Variants in RORA observed in about 807,000 individuals in gnomAD.
RORA encodes the protein nuclear receptor ROR-alpha.
A neutral mutation model predicts 69.5 loss-of-function variants in RORA; 7 were observed. The observed-to-expected ratio is 0.10, with a 90% CI of 0.06 to 0.19. The LOEUF is 0.19. Among genes scored for constraint, RORA ranks in the 10% least tolerant of loss-of-function variants. The probability of loss-of-function intolerance (pLI) is 1.00; values close to 1 mark genes in which losing one functional copy is unlikely to be tolerated. For synonymous variants in RORA, 261 were observed against 240.8 expected (o/e 1.08, Z -0.78); for missense variants, 457 against 663.0 (o/e 0.69, Z 3.41).
chr15:61,003,423 T>C (rs1894809925), intron 1 of RORA, among the ~76,000 whole-genome samples: 1 of 152,172 alleles, frequency 6.6e-6, no homozygotes, highest in Non-Finnish European at 1.5e-5. Flanking sequence ...TTTTTTGTTC[T>C]CAGCTGGCAA....
At chr15:61,178,737 G>A (rs2079654243) in intron 1 of RORA, among the ~76,000 whole-genome samples, 1 of 152,026 alleles carries the variant, frequency 6.6e-6, no homozygotes. Context: ...GGAATAAACA[G>A]GTTGTGAGTT....
intron 1 of RORA, among the ~76,000 whole-genome samples, chr15:61,177,016 C>G (rs1010899098): frequency 6.6e-6 from 1 of 152,168 alleles, no homozygotes; most frequent in Non-Finnish European, 1.5e-5. Flanking sequence ...AGGAAGCAAA[C>G]AGGATTGGTT....
intron 1 of RORA, among the ~76,000 whole-genome samples, chr15:61,057,331 T>C (rs576668158): frequency 4.7e-4 from 71 of 152,354 alleles, no homozygotes; most frequent in African/African-American, 1.7e-3. Context: ...TTGTTTCTTA[T>C]TGTCAAGCCC....
chr15:60,638,386 C>CTTTTT (rs375782514), intron 2 of RORA, among the ~76,000 whole-genome samples: 44 of 117,852 alleles, frequency 3.7e-4, no homozygotes, highest in Non-Finnish European at 4.8e-4. Context: ...ATTTTCTTTT[C>CTTTTT]TTTTTTTTTT....
intron 1 of RORA, among the ~76,000 whole-genome samples, chr15:60,726,622 T>C (rs1021253731): frequency 9.2e-5 from 14 of 152,208 alleles, no homozygotes; most frequent in Non-Finnish European, 8.8e-5. Context: ...AGCTTTGCTT[T>C]GCGTAGGCCC....
intron 1 of RORA, among the ~76,000 whole-genome samples, chr15:60,783,588 A>C (rs1202630432): frequency 6.6e-6 from 1 of 152,242 alleles, no homozygotes; most frequent in African/African-American, 2.4e-5. Context: ...CGCTGGATAC[A>C]GGAAGAAGGC....
At chr15:60,737,516 A>T (rs923502794) in intron 1 of RORA, among the ~76,000 whole-genome samples, 8 of 152,196 alleles carry the variant, frequency 5.3e-5, no homozygotes, top group African/African-American at 1.9e-4. Context: ...TCCCAGACTG[A>T]CTGAATCAGA....
chr15:60,743,310 C>T lies in RORA; in HGVS notation c.167-64624G>A, dbSNP rs562583646. On this transcript the variant is annotated intron_variant, in intron 1 of 10. Coordinates refer to ENST00000335670, the MANE Select transcript of RORA (RefSeq NM_134261.3). ...GATTACAGGCGTGAGCCACCGCACC[C>T]GGCTGTAAATGCATTGACTCATGAC... Among the ~76,000 whole-genome samples, 96 of 152,194 alleles carry T rather than the reference C, an allele frequency of 6.3e-4. 1 individual carries two copies. Among genetic ancestry groups the T allele is most frequent in the Non-Finnish European group, 1.1e-3 (73 of 67,998 alleles).
In RORA at chr15:60,493,517, C is replaced by CACA. The variant is rs1197100039; in HGVS notation, c.*3935_*3937dup. The stretch of plus-strand genomic sequence containing the variant: ...TGTTTTGCATTTTGGAATGTCGGAA[C>CACA]ACAACAACTAGCTATTCCTTAGTCT... On this transcript the variant is annotated 3_prime_UTR_variant, in exon 11 of 11. Transcript: ENST00000335670. 1 of 152,150 alleles carries CACA rather than the reference C, an allele frequency of 6.6e-6. No homozygotes were observed. The highest frequency in any genetic ancestry group is 6.5e-5 in the Admixed American group (1 of 15,270). The allele number at this position is 152,150 out of a possible 1,614,324, so 9.4% of individuals were successfully genotyped here. A position where few individuals can be genotyped will look rare whatever the true frequency, so the allele number is the denominator to read the frequency against.
At chr15:60,710,374 G>C (rs1388278021) in intron 1 of RORA, among the ~76,000 whole-genome samples, 1 of 152,148 alleles carries the variant, frequency 6.6e-6, no homozygotes, top group Non-Finnish European at 1.5e-5. Flanking sequence ...TGTAATCTCA[G>C]CTACTTGGGC....
At position 60,955,052 on chromosome 15, in the gene RORA, C is replaced by G. The variant is rs75229478; in HGVS notation, c.166+274001G>C. 2.3e-3 allele frequency among the ~76,000 whole-genome samples: 352 copies of G among 152,224 alleles called. 8 individuals are homozygous for G. In the East Asian group the frequency reaches 0.064, roughly 28 times the overall value. ...GGCGTGGTGACTCATGCCTGTAATC[C>G]CAGCACTTTGGGAGGCCGAGGTGGG... On this transcript the variant is annotated intron_variant, in intron 1 of 10. Coordinates refer to ENST00000335670, the MANE Select transcript of RORA (RefSeq NM_134261.3).
rs1457986708 is a variant in RORA, at chr15:60,537,476, A to G, written c.197-5625T>C. ...CTACAGTGCTAGGAGTGGACAGTTC[A>G]GGGAGCAACATGCTTTCTCTCCACT... On this transcript the variant is annotated intron_variant, in intron 2 of 10. Transcript: ENST00000335670. The surrounding 1 kb of genome is among the most constrained non-coding windows in gnomAD (Gnocchi z 4.9). Among the ~76,000 whole-genome samples the G allele has an allele frequency of 1.3e-5, 2 of 152,192 alleles. No homozygotes were observed. Among genetic ancestry groups the G allele is most frequent in the East Asian group, 3.8e-4 (2 of 5,196 alleles).
intron 2 of RORA, among the ~76,000 whole-genome samples, chr15:60,627,893 A>G (rs1424791592): frequency 6.6e-6 from 1 of 152,166 alleles, no homozygotes; most frequent in Non-Finnish European, 1.5e-5. Context: ...AGTTGCAAAT[A>G]TTTGTTTAGA....
intron 1 of RORA, among the ~76,000 whole-genome samples, chr15:61,110,423 T>C (rs2078994633): frequency 6.6e-6 from 1 of 152,018 alleles, no homozygotes; most frequent in Non-Finnish European, 1.5e-5. Flanking sequence ...CACAGAATTA[T>C]GTACAGCATA....
intron 1 of RORA, among the ~76,000 whole-genome samples, chr15:61,080,673 G>C (rs186938520): frequency 6.6e-6 from 1 of 152,144 alleles, no homozygotes; most frequent in Non-Finnish European, 1.5e-5. Context: ...TCAGCTGCTC[G>C]TCCTGCACAC....
intron 1 of RORA, among the ~76,000 whole-genome samples, chr15:61,092,278 CA>C (rs1439495497): frequency 1.3e-5 from 2 of 151,912 alleles, no homozygotes; most frequent in Admixed American, 6.6e-5. Context: ...GCAGTATGTT[CA>C]AAAAAATGTG....
chr15:60,818,782 G>A (rs543452489), intron 1 of RORA, among the ~76,000 whole-genome samples: 2 of 152,284 alleles, frequency 1.3e-5, no homozygotes, highest in Non-Finnish European at 2.9e-5. Context: ...TTGGCTCTTG[G>A]TTTGTCTTTC....
intron 2 of RORA, among the ~76,000 whole-genome samples, chr15:60,628,914 G>A (rs1596078109): frequency 1.3e-5 from 2 of 152,212 alleles, no homozygotes; most frequent in Admixed American, 1.3e-4. Flanking sequence ...TGTCTGGAAA[G>A]GGGGTGGGTT....
At chr15:60,932,454 T>A (rs1892401614) in intron 1 of RORA, among the ~76,000 whole-genome samples, 2 of 152,192 alleles carry the variant, frequency 1.3e-5, no homozygotes, top group Admixed American at 6.5e-5. Context: ...TAAGATCAAA[T>A]AAGTAACAGG....
Sources: allele counts gnomAD v4.1 joint callset (sites outside exome capture counted in the v4.1 genomes callset), GRCh38; gene constraint gnomAD v4.1.1; non-coding constraint Gnocchi (gnomAD v3.1); transcripts MANE v1.5; gene names NCBI Gene and HGNC (gene_info 2026-07-23, HGNC 2026-07-21).